The following MACROD2 variants were observed in gnomAD, a reference collection of about 807,000 sequenced individuals.
MACROD2 encodes ADP-ribose glycohydrolase MACROD2.
Under a neutral mutation model 70.4 loss-of-function variants are expected in MACROD2, and 36 were observed. The ratio of observed to expected loss-of-function variants is 0.51; its 90% confidence interval spans 0.39 to 0.68. MACROD2 has a LOEUF of 0.68. MACROD2 is among the 30% of genes least tolerant of loss of function. The pLI is 0.00. For missense variants in MACROD2, 496 were observed against 538.4 expected, an observed-to-expected ratio of 0.92 and a Z score of 0.78; for synonymous variants, 172 against 178.8, an observed-to-expected ratio of 0.96 and a Z score of 0.30.
chr20:15,280,579 G>A (rs2077435027), intron 6 of MACROD2, among the ~76,000 whole-genome samples: 2 of 152,128 alleles, frequency 1.3e-5, no homozygotes, highest in African/African-American at 4.8e-5. Context: ...GAAATCTAAG[G>A]CTGCTACGTG....
chr20:14,966,280 T>C (rs1247554795), intron 5 of MACROD2, among the ~76,000 whole-genome samples: 1 of 152,198 alleles, frequency 6.6e-6, no homozygotes, highest in Non-Finnish European at 1.5e-5. Context: ...GCATATGTAC[T>C]TGTGTAACCA....
chr20:14,569,824 T>C (rs2123315419), intron 4 of MACROD2, among the ~76,000 whole-genome samples: 1 of 152,016 alleles, frequency 6.6e-6, no homozygotes, highest in African/African-American at 2.4e-5. Flanking sequence ...GGAAAAAAGT[T>C]TGGAAACCAA....
chr20:15,221,146 C>A (rs537757895), intron 5 of MACROD2, among the ~76,000 whole-genome samples: 1 of 152,108 alleles, frequency 6.6e-6, no homozygotes, highest in Non-Finnish European at 1.5e-5. Flanking sequence ...TCTTTAAAGC[C>A]GATTTTCTCC....
intron 8 of MACROD2, among the ~76,000 whole-genome samples, chr20:15,561,517 T>C (rs1190022784): frequency 2.0e-5 from 3 of 152,222 alleles, no homozygotes; most frequent in Non-Finnish European, 2.9e-5. Context: ...TAAAATGTAA[T>C]ACTGTTCTGT....
At chr20:14,764,339 C>T (rs1294578526) in intron 5 of MACROD2, among the ~76,000 whole-genome samples, 2 of 151,994 alleles carry the variant, frequency 1.3e-5, no homozygotes, top group African/African-American at 2.4e-5. Context: ...TTGCTCTTGC[C>T]GTCCTCTTGG....
chr20:14,461,569 A>C (rs972207742), intron 3 of MACROD2, among the ~76,000 whole-genome samples: 1 of 151,614 alleles, frequency 6.6e-6, no homozygotes, highest in Non-Finnish European at 1.5e-5. Flanking sequence ...GGTTTGTTAC[A>C]TATGTATACC....
intron 8 of MACROD2, among the ~76,000 whole-genome samples, chr20:15,638,042 C>T (rs908553536): frequency 1.3e-5 from 2 of 151,824 alleles, no homozygotes; most frequent in Non-Finnish European, 2.9e-5. Context: ...TTTTTTTTTA[C>T]GAGGCTTGTG....
At chr20:15,797,763 G>A (rs1327634378) in intron 8 of MACROD2, among the ~76,000 whole-genome samples, 2 of 152,196 alleles carry the variant, frequency 1.3e-5, no homozygotes, top group African/African-American at 2.4e-5. Flanking sequence ...AAACTTCAGT[G>A]AGCATCAAAA....
chr20:14,629,998 TC>T (rs1984419856), intron 4 of MACROD2, among the ~76,000 whole-genome samples: 1 of 151,866 alleles, frequency 6.6e-6, no homozygotes, highest in African/African-American at 2.4e-5. Flanking sequence ...TATCTATCTA[TC>T]CATCCCCTTT....
chr20:14,729,445 T>G (rs546286064), intron 5 of MACROD2, among the ~76,000 whole-genome samples: 1 of 152,266 alleles, frequency 6.6e-6, no homozygotes, highest in East Asian at 1.9e-4. Flanking sequence ...AGAAATTGTC[T>G]AAGGTCAAAG....
intron 3 of MACROD2, among the ~76,000 whole-genome samples, chr20:14,335,814 C>T (rs1054161227): frequency 1.3e-5 from 2 of 152,046 alleles, no homozygotes; most frequent in African/African-American, 2.4e-5. Flanking sequence ...TAAATCTATG[C>T]GTTTTTGTAA....
At chr20:14,473,326 G>A (rs79105727) in intron 3 of MACROD2, among the ~76,000 whole-genome samples, 6 of 152,020 alleles carry the variant, frequency 3.9e-5, no homozygotes, top group Admixed American at 3.3e-4. Flanking sequence ...TTTCCCAGCC[G>A]CTGGTAACCA....
chr20:15,507,540 C>A (rs773294393), intron 8 of MACROD2, among the ~76,000 whole-genome samples: 1 of 150,538 alleles, frequency 6.6e-6, no homozygotes, highest in African/African-American at 2.5e-5. Context: ...TTCTTCCCCC[C>A]ACCAGCCCGC....
intron 5 of MACROD2, among the ~76,000 whole-genome samples, chr20:14,725,692 G>A: frequency 6.6e-6 from 1 of 152,138 alleles, no homozygotes; most frequent in East Asian, 1.9e-4. Context: ...AAAAACTGAA[G>A]CTCCATTCTG....
At chr20:14,939,487 C>G (rs1476129841) in intron 5 of MACROD2, among the ~76,000 whole-genome samples, 2 of 152,084 alleles carry the variant, frequency 1.3e-5, no homozygotes, top group Non-Finnish European at 2.9e-5. Context: ...GATTTGGTTA[C>G]TATAGCTCTG....
rs909213506 is a variant in MACROD2 at position 15,678,550 on chromosome 20, G to A, written c.645+178703G>A. On this transcript the variant is annotated intron_variant, in intron 8 of 17. Transcript: ENST00000684519. ...AATTTTTTGTATTTTTAGTAGAGAC[G>A]AGGTTTCGTTATGTTAGCCAGGATG... Among the ~76,000 whole-genome samples the A allele has an allele frequency of 5.9e-5, 9 of 152,186 alleles. No individual in the cohort carries two copies. In the South Asian group the frequency reaches 1.7e-3, roughly 28 times the overall value.
intron 15 of MACROD2, among the ~76,000 whole-genome samples, chr20:15,999,917 C>A (rs1387513148): frequency 6.6e-6 from 1 of 152,128 alleles, no homozygotes; most frequent in African/African-American, 2.4e-5. Context: ...CTGGCCATGC[C>A]ACGGAGTGTG....
At chr20:15,609,222 A>T (rs2048933548) in intron 8 of MACROD2, among the ~76,000 whole-genome samples, 1 of 152,212 alleles carries the variant, frequency 6.6e-6, no homozygotes. Flanking sequence ...ACTTGAACAG[A>T]GGGAAGGAAA....
At chr20:14,729,219 T>C (rs1268314444) in intron 5 of MACROD2, among the ~76,000 whole-genome samples, 2 of 152,278 alleles carry the variant, frequency 1.3e-5, no homozygotes, top group South Asian at 4.1e-4. Context: ...TCATAGATGA[T>C]TATAAGTTAA....
Sources: allele counts gnomAD v4.1 joint callset (sites outside exome capture counted in the v4.1 genomes callset), GRCh38; gene constraint gnomAD v4.1.1; transcripts MANE v1.5; gene names NCBI Gene and HGNC (gene_info 2026-07-23, HGNC 2026-07-21).